The following ADGRB3 variants were observed in gnomAD, a reference collection of about 807,000 sequenced individuals.
ADGRB3 encodes adhesion G protein-coupled receptor B3.
ADGRB3 carries 37 observed loss-of-function variants against 193.4 expected under a neutral mutation model. The observed-to-expected ratio is 0.19, with a 90% CI of 0.15 to 0.25. ADGRB3 has a LOEUF of 0.25. Among genes scored for constraint, ADGRB3 ranks in the 10% least tolerant of loss-of-function variants. The pLI is 1.00. For synonymous variants in ADGRB3, 690 were observed against 644.2 expected, an observed-to-expected ratio of 1.07 and a Z score of -1.08; for missense variants, 1,637 against 1,852.9, an observed-to-expected ratio of 0.88 and a Z score of 2.14.
chr6:69,236,614 T>C (rs1224858004), intron 19 of ADGRB3, among the ~76,000 whole-genome samples: 1 of 152,014 alleles, frequency 6.6e-6, no homozygotes, highest in Non-Finnish European at 1.5e-5. Flanking sequence ...AGTAACATAA[T>C]TCATGCTCAC....
chr6:69,159,032 C>A (rs1332538973), intron 17 of ADGRB3, among the ~76,000 whole-genome samples: 1 of 152,042 alleles, frequency 6.6e-6, no homozygotes, highest in Non-Finnish European at 1.5e-5. Flanking sequence ...TTTCATATTT[C>A]ATCAGGCGCA....
intron 3 of ADGRB3, among the ~76,000 whole-genome samples, chr6:68,769,464 C>G (rs533973673): frequency 6.6e-6 from 1 of 152,272 alleles, no homozygotes; most frequent in African/African-American, 2.4e-5. Flanking sequence ...CGCTTGTTCT[C>G]ACTCATAAGT....
intron 3 of ADGRB3, among the ~76,000 whole-genome samples, chr6:68,798,425 C>T (rs1008943463): frequency 6.7e-6 from 1 of 148,586 alleles, no homozygotes; most frequent in Non-Finnish European, 1.5e-5. Context: ...AGTAGAAGCA[C>T]ATTTAAAACG....
intron 20 of ADGRB3, among the ~76,000 whole-genome samples, chr6:69,263,988 A>T (rs1046102598): frequency 6.6e-6 from 1 of 151,972 alleles, no homozygotes; most frequent in Admixed American, 6.6e-5. Context: ...ATATCCTTAC[A>T]TCTCATAATA....
intron 17 of ADGRB3, among the ~76,000 whole-genome samples, chr6:69,076,549 A>C (rs573337420): frequency 6.6e-6 from 1 of 152,178 alleles, no homozygotes; most frequent in South Asian, 2.1e-4. Flanking sequence ...CAGGCAGAAA[A>C]AATAATTGCA....
rs188945808 is a variant in ADGRB3 at position 68,733,912 on chromosome 6, A to G, written c.757+94480A>G. On this transcript the variant is annotated intron_variant, in intron 3 of 31. Transcript: ENST00000370598. ...AAATGCTTGAGGGGATGAATACCCC[A>G]TTCGCCACGATGTGCATTATTTCAC... Among the ~76,000 whole-genome samples, 199 of 152,108 alleles carry G rather than the reference A, an allele frequency of 1.3e-3. 1 individual carries two copies. The highest frequency in any genetic ancestry group is 4.6e-3 in the African/African-American group (191 of 41,554).
At chr6:68,689,390 G>T (rs1765034503) in intron 3 of ADGRB3, among the ~76,000 whole-genome samples, 2 of 152,080 alleles carry the variant, frequency 1.3e-5, no homozygotes, top group South Asian at 4.1e-4. Flanking sequence ...ACTTTAGATG[G>T]TGCAGTTCAT....
chr6:68,884,652 C>G (rs1765854092), intron 3 of ADGRB3, among the ~76,000 whole-genome samples: 1 of 151,934 alleles, frequency 6.6e-6, no homozygotes, highest in Non-Finnish European at 1.5e-5. Context: ...GGGCTTTTAT[C>G]CTAGATACAA....
chr6:68,975,223 G>A lies in ADGRB3; in HGVS notation c.1628-11G>A. 6.2e-7 allele frequency: 1 copy of A among 1,609,326 alleles called. No individual in the cohort carries two copies. Among genetic ancestry groups the A allele is most frequent in the Non-Finnish European group, 8.5e-7 (1 of 1,175,836 alleles). ...ATTATAAAGCTTCTCTCTGTTCTTTGTGACACACAGGCACCACTAGCAGAC... is the reference window on the plus strand; with the variant it reads ...ATTATAAAGCTTCTCTCTGTTCTTTATGACACACAGGCACCACTAGCAGAC... On this transcript the variant is annotated splice_polypyrimidine_tract_variant and intron_variant, in intron 9 of 31. Coordinates refer to ENST00000370598, the MANE Select transcript of ADGRB3 (RefSeq NM_001704.3).
chr6:69,037,824 C>T (rs528944804), intron 13 of ADGRB3, among the ~76,000 whole-genome samples: 64 of 152,214 alleles, frequency 4.2e-4, no homozygotes, highest in Middle Eastern at 3.4e-3. Context: ...TTTTAGGTGT[C>T]GGCACAAATG....
chr6:69,178,314 G>T (rs1467609933), intron 17 of ADGRB3, among the ~76,000 whole-genome samples: 1 of 152,090 alleles, frequency 6.6e-6, no homozygotes, highest in Non-Finnish European at 1.5e-5. Context: ...TTACTTTGAG[G>T]TTATGAATGA....
chr6:68,666,094 G>A (rs1340424540), intron 3 of ADGRB3, among the ~76,000 whole-genome samples: 2 of 151,868 alleles, frequency 1.3e-5, no homozygotes, highest in Non-Finnish European at 2.9e-5. Context: ...TGAGTGTCAT[G>A]TTCTTCATTA....
chr6:69,011,326 C>A (rs975766857), intron 11 of ADGRB3, among the ~76,000 whole-genome samples: 1 of 151,972 alleles, frequency 6.6e-6, no homozygotes, highest in African/African-American at 2.4e-5. Context: ...CCCTGTGCTG[C>A]AACATGGATG....
At chr6:68,883,002 T>C (rs1205642056) in intron 3 of ADGRB3, among the ~76,000 whole-genome samples, 1 of 152,156 alleles carries the variant, frequency 6.6e-6, no homozygotes, top group Non-Finnish European at 1.5e-5. Context: ...CACGCCATTC[T>C]CCTGCCTCAG....
intron 17 of ADGRB3, among the ~76,000 whole-genome samples, chr6:69,112,369 C>A (rs930087378): frequency 6.6e-6 from 1 of 152,182 alleles, no homozygotes; most frequent in African/African-American, 2.4e-5. Context: ...TTTTCGTTCA[C>A]ATCCTATTGA....
intron 4 of ADGRB3, among the ~76,000 whole-genome samples, chr6:68,932,364 A>G (rs1446396586): frequency 6.6e-6 from 1 of 152,156 alleles, no homozygotes; most frequent in African/African-American, 2.4e-5. Flanking sequence ...TTTGTCTGTG[A>G]CATAGTTCAA....
At position 69,233,562 on chromosome 6, in the gene ADGRB3, C is replaced by T. The variant is rs1338604993; in HGVS notation, c.2607+146C>T. 22 of 1,042,934 alleles carry T rather than the reference C, an allele frequency of 2.1e-5. No homozygotes were observed. In the East Asian group the frequency reaches 3.3e-4, roughly 16 times the overall value. The allele number at this position is 1,042,934 out of a possible 1,614,324, so 64.6% of individuals were successfully genotyped here. A position where few individuals can be genotyped will look rare whatever the true frequency, so the allele number is the denominator to read the frequency against. ...TTCGTCTCCTCCTTAGCTATAGTAG[C>T]TTGGTGGAATGAATTCTAGTTGGTA... On this transcript the variant is annotated intron_variant, in intron 18 of 31. Coordinates refer to ENST00000370598, the MANE Select transcript of ADGRB3 (RefSeq NM_001704.3).
intron 3 of ADGRB3, among the ~76,000 whole-genome samples, chr6:68,888,365 C>T (rs556875699): frequency 1.3e-5 from 2 of 152,140 alleles, no homozygotes; most frequent in African/African-American, 4.8e-5. Context: ...CGGTTGAATT[C>T]ATTCTTGTAT....
chr6:69,294,993 G>T (rs1405281409), intron 20 of ADGRB3, among the ~76,000 whole-genome samples: 2 of 152,100 alleles, frequency 1.3e-5, no homozygotes, highest in Non-Finnish European at 2.9e-5. Flanking sequence ...GTGACGTTCT[G>T]TCATTTCTGT....
Sources: allele counts gnomAD v4.1 joint callset (sites outside exome capture counted in the v4.1 genomes callset), GRCh38; gene constraint gnomAD v4.1.1; transcripts MANE v1.5; gene names NCBI Gene and HGNC (gene_info 2026-07-23, HGNC 2026-07-21).